Variants in DOCK9 observed in about 807,000 individuals in gnomAD.
DOCK9 encodes the protein dedicator of cytokinesis 9.
DOCK9 carries 89 observed loss-of-function variants against 263.3 expected under a neutral mutation model. The observed-to-expected ratio is 0.34, with a 90% CI of 0.28 to 0.40. DOCK9 has a LOEUF of 0.40. DOCK9 is among the 10% of genes least tolerant of loss of function. The pLI, the probability that DOCK9 is intolerant of heterozygous loss-of-function variation, is 1.00. For missense variants in DOCK9, 2,140 were observed against 2,603.4 expected, an observed-to-expected ratio of 0.82 and a Z score of 3.87; for synonymous variants, 976 against 973.1, an observed-to-expected ratio of 1.00 and a Z score of -0.06.
chr13:98,804,310 A>C (rs1406531759), intron 49 of DOCK9, among the ~76,000 whole-genome samples: 2 of 152,206 alleles, frequency 1.3e-5, no homozygotes, highest in Admixed American at 6.5e-5. Context: ...GGATGGGTCA[A>C]GCTCTCCCAC....
intron 50 of DOCK9, among the ~76,000 whole-genome samples, chr13:98,797,791 A>G (rs1424556481): frequency 6.6e-6 from 1 of 152,226 alleles, no homozygotes; most frequent in African/African-American, 2.4e-5. Context: ...AAAACGCCAG[A>G]GATCACAGCC....
rs1191517870 is a variant in DOCK9 at position 98,914,350 on chromosome 13, C to G, written c.938G>C (p.Ser313Thr). 6.2e-7 allele frequency: 1 copy of G among 1,609,498 alleles called. No individual in the cohort carries two copies. Among genetic ancestry groups the G allele is most frequent in the African/African-American group, 1.3e-5 (1 of 74,858 alleles). ...KLEGSGSGLD[S>T]YLPELAKSAR... ...TACCTTGGCAAGTTCCGGCAGGTAG[C>G]TATCTAAACCGGAACCAGAACCTTC... The change falls in exon 9 of 53, where the codon AGC becomes ACC. Residue 313 changes from serine (S) to threonine (T), a missense_variant. By Grantham distance (58) the Ser-to-Thr change is moderately conservative. This residue lies in a region of DOCK9 where 1,521 missense variants were observed against 1,741.7 expected (regional missense o/e 0.87). Transcript: ENST00000682017.
chr13:98,998,477 T>C (rs1881558199), intron 1 of DOCK9, among the ~76,000 whole-genome samples: 1 of 152,184 alleles, frequency 6.6e-6, no homozygotes, highest in Non-Finnish European at 1.5e-5. Context: ...TTGGTTTCCA[T>C]CTGAATGATC....
intron 1 of DOCK9, among the ~76,000 whole-genome samples, chr13:98,989,346 G>GATGATA (rs1357152750): frequency 0.024 from 1,451 of 59,934 alleles, 15 homozygotes; most frequent in South Asian, 0.08. Context: ...TGATGATGAT[G>GATGATA]ATAATAATAA....
chr13:98,896,489 C>CAA (rs35867799), intron 15 of DOCK9, among the ~76,000 whole-genome samples: 31 of 91,844 alleles, frequency 3.4e-4, no homozygotes, highest in Non-Finnish European at 5.2e-4. Context: ...TTGATATGCA[C>CAA]AAAAAAAAAA....
At chr13:98,936,745 A>G (rs565171018) in intron 2 of DOCK9, among the ~76,000 whole-genome samples, 2 of 152,206 alleles carry the variant, frequency 1.3e-5, no homozygotes, top group Non-Finnish European at 2.9e-5. Flanking sequence ...TATTACAAAA[A>G]GTTATCTGGT....
chr13:98,882,631 T>C lies in DOCK9; in HGVS notation c.2559+411A>G, dbSNP rs371080186. Among the ~76,000 whole-genome samples the C allele has an allele frequency of 2.4e-3, 281 of 115,782 alleles. 3 individuals carry two copies. The highest frequency in any genetic ancestry group is 7.6e-3 in the African/African-American group (265 of 34,830). The allele number at this position is 115,782 out of a possible 152,430, so 76.0% of individuals were successfully genotyped here. ...ACAAAGCTGGGACTGGTTCTGTGCA[T>C]TATTTCTTTATTTGATTTGTCTGCC... On this transcript the variant is annotated intron_variant, in intron 23 of 52. Transcript: ENST00000682017.
At chr13:99,009,615 T>A (rs188785632) in intron 1 of DOCK9, among the ~76,000 whole-genome samples, 1 of 152,188 alleles carries the variant, frequency 6.6e-6, no homozygotes, top group Admixed American at 6.5e-5. Context: ...CATTTTCACA[T>A]ACCTTGTCAC....
rs747728414 is a variant in DOCK9 at position 98,800,375 on chromosome 13, C to G, written c.5829G>C (p.Lys1943Asn). Residue 1943 changes from lysine to asparagine, a missense_variant, in exon 50 of 53, where the codon AAG (lysine) becomes AAC (asparagine). By Grantham distance (94) the Lys-to-Asn change is moderately conservative. Transcript: ENST00000682017. ...IEVAIDEMSK[K>N]VAELRQLCSS... ...AGCACAGCTGCCGGAGCTCCGCCACCTTCTTACTCATCTCGTCAATGGCCA... is the reference window on the plus strand; with the variant it reads ...AGCACAGCTGCCGGAGCTCCGCCACGTTCTTACTCATCTCGTCAATGGCCA... The G allele has an allele frequency of 1.2e-6, 2 of 1,613,940 alleles. No individual in the cohort carries two copies. The highest frequency in any genetic ancestry group is 3.3e-5 in the Admixed American group (2 of 60,012).
At chr13:98,905,006 A>G (rs1023052597) in intron 9 of DOCK9, among the ~76,000 whole-genome samples, 4 of 152,358 alleles carry the variant, frequency 2.6e-5, no homozygotes, top group Middle Eastern at 3.4e-3. Flanking sequence ...AAGGCTTCAT[A>G]AAGTAATGGA....
intron 1 of DOCK9, among the ~76,000 whole-genome samples, chr13:98,997,329 A>T (rs143773770): frequency 3.1e-3 from 475 of 152,312 alleles, no homozygotes; most frequent in African/African-American, 0.01. Flanking sequence ...GGCAAACAAT[A>T]AGAAAACTTG....
chr13:98,937,152 T>C (rs2054996051), intron 2 of DOCK9, among the ~76,000 whole-genome samples: 1 of 152,222 alleles, frequency 6.6e-6, no homozygotes, highest in Admixed American at 6.5e-5. Context: ...CCTATGTCTA[T>C]GTTTGGAAAC....
intron 9 of DOCK9, among the ~76,000 whole-genome samples, chr13:98,912,370 G>T (rs2050194624): frequency 6.6e-6 from 1 of 152,150 alleles, no homozygotes; most frequent in South Asian, 2.1e-4. Context: ...ACTCCAGTGA[G>T]CTCTACAATT....
intron 37 of DOCK9, chr13:98,846,627 G>A: frequency 8.6e-7 from 1 of 1,163,542 alleles, no homozygotes; most frequent in Admixed American, 1.9e-5. Context: ...ACTTCCTGCT[G>A]TGTACCATCA....
intron 7 of DOCK9, among the ~76,000 whole-genome samples, chr13:98,920,458 A>G (rs9517483): frequency 0.64 from 96,697 of 151,980 alleles, 31,412 homozygotes; most frequent in Middle Eastern, 0.77. Context: ...ACTGAGGTAC[A>G]GAGAGGTTAA....
intron 2 of DOCK9, among the ~76,000 whole-genome samples, chr13:98,934,272 G>T (rs1420195172): frequency 1.3e-5 from 2 of 152,170 alleles, no homozygotes; most frequent in Non-Finnish European, 2.9e-5. Context: ...CACCATATAA[G>T]TTCTACCATC....
chr13:99,031,412 G>T (rs1566327827), intron 1 of DOCK9, among the ~76,000 whole-genome samples: 1 of 152,266 alleles, frequency 6.6e-6, no homozygotes, highest in South Asian at 2.1e-4. Context: ...CAAAGTCCCT[G>T]CTCCTTCCAG....
At chr13:98,938,699 C>T (rs1418862671) in intron 2 of DOCK9, among the ~76,000 whole-genome samples, 2 of 106,162 alleles carry the variant, frequency 1.9e-5, no homozygotes, top group African/African-American at 6.2e-5. Flanking sequence ...CCTCTCAACT[C>T]ATGGCACTGG....
chr13:98,997,507 C>T (rs866393217), intron 1 of DOCK9, among the ~76,000 whole-genome samples: 3 of 152,210 alleles, frequency 2.0e-5, no homozygotes, highest in African/African-American at 7.2e-5. Flanking sequence ...CCACTAGATT[C>T]CTATTTGCCA....
Sources: gnomAD v4.1 joint callset for allele counts (sites outside exome capture counted in the v4.1 genomes callset) on GRCh38, gnomAD v4.1.1 for gene constraint, gnomAD v4.1.1 regional missense constraint, MANE v1.5 for transcripts, NCBI Gene and HGNC (gene_info 2026-07-23, HGNC 2026-07-21) for gene names.